DAPK1: variants seen among roughly 807,000 people sequenced by gnomAD.
The protein encoded by DAPK1 is death-associated protein kinase 1.
Under a neutral mutation model 144.9 loss-of-function variants are expected in DAPK1, and 56 were observed. That is an observed-to-expected ratio of 0.39 (90% confidence interval 0.31 to 0.48). The LOEUF is 0.48. Ranked by LOEUF, DAPK1 falls within the 20% of genes least tolerant of loss-of-function variation. The probability of loss-of-function intolerance (pLI) is 0.95; values close to 1 mark genes in which losing one functional copy is unlikely to be tolerated. For synonymous variants in DAPK1, 690 were observed against 749.0 expected, an observed-to-expected ratio of 0.92 and a Z score of 1.29; for missense variants, 1,454 against 1,875.4, an observed-to-expected ratio of 0.78 and a Z score of 4.15.
intron 2 of DAPK1, among the ~76,000 whole-genome samples, chr9:87,598,252 T>G (rs1828389665): frequency 6.6e-6 from 1 of 152,152 alleles, no homozygotes; most frequent in Admixed American, 6.5e-5. Flanking sequence ...GATAACGAGT[T>G]CAAAAGTAGA....
At position 87,705,610 on chromosome 9, in the gene DAPK1, A is replaced by G. The variant is rs72749704; in HGVS notation, c.3061-522A>G. Among the ~76,000 whole-genome samples the G allele has an allele frequency of 3.5e-3, 526 of 152,292 alleles. 11 individuals are homozygous for G. In the South Asian group the frequency reaches 0.046, roughly 13 times the overall value. ...ATTTATTTACTTATTTATTTTGCAG[A>G]CATGATGACATTTCTTCCCTAAATA... On this transcript the variant is annotated intron_variant, in intron 25 of 25. Coordinates refer to ENST00000408954, the MANE Select transcript of DAPK1 (RefSeq NM_004938.4).
chr9:87,681,465 T>C lies in DAPK1; in HGVS notation c.2063T>C (p.Ile688Thr). 1 of 1,613,810 alleles carries C rather than the reference T, an allele frequency of 6.2e-7. No homozygotes were observed. The highest frequency in any genetic ancestry group is 8.5e-7 in the Non-Finnish European group (1 of 1,179,750). Residue 688 changes from isoleucine (I) to threonine (T), a missense_variant, in exon 20 of 26, where the codon ATT becomes ACT. Ile to Thr is a moderately conservative substitution (Grantham distance 89). Coordinates refer to ENST00000408954, the MANE Select transcript of DAPK1 (RefSeq NM_004938.4). ...CCCACACAGAACCTGCAGCCAAGAA[T>C]TAAGCTCAAGCTGTTTGGCCACTCG... is the stretch of plus-strand genomic sequence containing the variant. ...LRPTQNLQPR[I>T]KLKLFGHSGS... is the part of the protein sequence containing the mutation.
chr9:87,606,494 T>TCTCC (rs1303762592), intron 3 of DAPK1, among the ~76,000 whole-genome samples: 2 of 125,550 alleles, frequency 1.6e-5, no homozygotes, highest in African/African-American at 6.3e-5. Context: ...TCCCTCTGTC[T>TCTCC]CTCCCTCCCT....
chr9:87,502,447 A>G (rs1824437918), intron 2 of DAPK1, among the ~76,000 whole-genome samples: 1 of 152,040 alleles, frequency 6.6e-6, no homozygotes, highest in South Asian at 2.1e-4. Flanking sequence ...GAGGTGTTTT[A>G]ATGCCCCAGG....
chr9:87,649,133 T>G (rs1830361381), intron 15 of DAPK1, among the ~76,000 whole-genome samples: 1 of 152,206 alleles, frequency 6.6e-6, no homozygotes, highest in South Asian at 2.1e-4. Flanking sequence ...TGAGGTGGAT[T>G]ACTGTTATCA....
At position 87,633,091 on chromosome 9, in the gene DAPK1, G is replaced by T. The variant is rs567852006; in HGVS notation, c.285-4852G>T. On this transcript the variant is annotated intron_variant, in intron 3 of 25. Transcript: ENST00000408954. ...GGAAGATGAATATATATGTAGGAAT[G>T]AAGGAGGATGAGTACATATGTAGAA... is the stretch of plus-strand genomic sequence containing the variant. The T allele has an allele frequency of 1.8e-4, 173 of 980,864 alleles. No individual in the cohort carries two copies. In the African/African-American group the frequency reaches 2.9e-3, roughly 16 times the overall value. 60.8% of individuals were successfully genotyped at this position (980,864 alleles called of 1,614,324 possible). A position where few individuals can be genotyped will look rare whatever the true frequency, so the allele number is the denominator to read the frequency against.
At chr9:87,558,024 T>A (rs57813441) in intron 2 of DAPK1, among the ~76,000 whole-genome samples, 18,094 of 152,246 alleles carry the variant, frequency 0.12, 1,382 homozygotes, top group Admixed American at 0.16. Context: ...ATCTTTTGGA[T>A]GTTTTCCTTC....
At chr9:87,575,271 T>G (rs529713055) in intron 2 of DAPK1, among the ~76,000 whole-genome samples, 14 of 131,488 alleles carry the variant, frequency 1.1e-4, no homozygotes, top group Non-Finnish European at 1.9e-4. Flanking sequence ...TAAAATAAAA[T>G]AAAGGTAAAA....
intron 14 of DAPK1, 57 bp downstream of exon 14, chr9:87,647,460 T>A (rs1362390228): frequency 2.1e-6 from 3 of 1,426,660 alleles, no homozygotes; most frequent in Non-Finnish European, 3.0e-6. Flanking sequence ...TGCATGTGAG[T>A]GTGAGTGCTG....
chr9:87,646,439 A>AT (rs761703014), intron 12 of DAPK1, 22 bp from the exon 13 acceptor site: 1 of 1,576,322 alleles, frequency 6.3e-7, no homozygotes, highest in Non-Finnish European at 8.7e-7. Context: ...AAAATTAGTA[A>AT]TTTTTTTCTT....
chr9:87,639,077 C>T (rs993830776), intron 4 of DAPK1, among the ~76,000 whole-genome samples: 1 of 152,188 alleles, frequency 6.6e-6, no homozygotes, highest in African/African-American at 2.4e-5. Flanking sequence ...TAGGACACCT[C>T]GTAGCAGCTT....
chr9:87,654,099 A>G (rs1339217690), intron 17 of DAPK1, among the ~76,000 whole-genome samples: 1 of 152,226 alleles, frequency 6.6e-6, no homozygotes, highest in Non-Finnish European at 1.5e-5. Flanking sequence ...AGATGCTATC[A>G]TTTGGTGAAA....
chr9:87,627,558 C>T (rs546102547), intron 3 of DAPK1, among the ~76,000 whole-genome samples: 1 of 152,146 alleles, frequency 6.6e-6, no homozygotes. Context: ...TGTCTAGACC[C>T]AAAGGAAAGA....
At chr9:87,688,040 T>C (rs576073075) in intron 21 of DAPK1, among the ~76,000 whole-genome samples, 1 of 152,358 alleles carries the variant, frequency 6.6e-6, no homozygotes, top group Non-Finnish European at 1.5e-5. Flanking sequence ...TGCAGATTTG[T>C]TACCTGGTCA....
At chr9:87,500,180 A>G (rs915600636) in intron 2 of DAPK1, among the ~76,000 whole-genome samples, 4 of 152,188 alleles carry the variant, frequency 2.6e-5, no homozygotes, top group African/African-American at 9.7e-5. Flanking sequence ...GCTTAACTAA[A>G]TTTTTTTAAA....
chr9:87,498,538 G>C (rs949534838), intron 1 of DAPK1: 1 of 232,726 alleles, frequency 4.3e-6, no homozygotes, highest in Non-Finnish European at 8.2e-6. Flanking sequence ...GAGAGGTGGC[G>C]CGGGGGTGCC....
chr9:87,569,779 G>A (rs1185809935), intron 2 of DAPK1, among the ~76,000 whole-genome samples: 1 of 152,110 alleles, frequency 6.6e-6, no homozygotes, highest in Non-Finnish European at 1.5e-5. Flanking sequence ...CTGGAAGGGT[G>A]GTTTATAGAA....
intron 2 of DAPK1, among the ~76,000 whole-genome samples, chr9:87,555,231 C>G (rs943417174): frequency 6.6e-6 from 1 of 152,168 alleles, no homozygotes; most frequent in African/African-American, 2.4e-5. Flanking sequence ...CTAGCTGTCC[C>G]GTTAGGGCAT....
intron 19 of DAPK1, among the ~76,000 whole-genome samples, chr9:87,676,232 T>G (rs1412804812): frequency 2.6e-5 from 4 of 152,234 alleles, no homozygotes; most frequent in Non-Finnish European, 5.9e-5. Flanking sequence ...AGGGTTGTCT[T>G]GTAACTTGTG....
Sources: allele counts gnomAD v4.1 joint callset (sites outside exome capture counted in the v4.1 genomes callset), GRCh38; gene constraint gnomAD v4.1.1; transcripts MANE v1.5; gene names NCBI Gene and HGNC (gene_info 2026-07-23, HGNC 2026-07-21).